The following LRIG2 variants were observed in gnomAD, a reference collection of about 807,000 sequenced individuals.
LRIG2 encodes the protein leucine rich repeats and immunoglobulin like domains 2.
In LRIG2, 93 loss-of-function variants were observed where a neutral mutation model predicts 107.8. The observed-to-expected ratio is 0.86, with a 90% CI of 0.73 to 1.03. LRIG2 has a LOEUF of 1.03. Among genes scored for constraint, LRIG2 ranks in the 50% least tolerant of loss-of-function variants. The probability of loss-of-function intolerance (pLI) is 0.00; values close to 1 mark genes in which losing one functional copy is unlikely to be tolerated. For synonymous variants in LRIG2, 471 were observed against 470.6 expected, an observed-to-expected ratio of 1.00 and a Z score of -0.01; for missense variants, 1,226 against 1,296.0, an observed-to-expected ratio of 0.95 and a Z score of 0.83.
chr1:113,107,504 A>G (rs1425634148), intron 11 of LRIG2, 90 bp from the exon 12 acceptor site: 1 of 1,191,468 alleles, frequency 8.4e-7, no homozygotes, highest in Non-Finnish European at 1.2e-6. Context: ...GGCAAGAATA[A>G]TGGATAGGTG....
intron 14 of LRIG2, among the ~76,000 whole-genome samples, chr1:113,113,862 GAA>G (rs2101059737): frequency 6.6e-6 from 1 of 152,206 alleles, no homozygotes; most frequent in Admixed American, 6.5e-5. Flanking sequence ...AAGATATACA[GAA>G]AATTAGGAAA....
chr1:113,126,371 C>A lies in LRIG2; in HGVS notation c.*2270C>A. On this transcript the variant is annotated 3_prime_UTR_variant, in exon 18 of 18. Coordinates refer to ENST00000361127, the MANE Select transcript of LRIG2 (RefSeq NM_014813.3). ...CTGGGCTCCTGCTTCTCAGTCTTCT[C>A]TGACCTCTGGTAAGTGGAACTTTCA... The A allele has an allele frequency of 5.8e-6, 1 of 173,196 alleles. No homozygotes were observed. The highest frequency in any genetic ancestry group is 1.5e-4 in the South Asian group (1 of 6,498). 10.7% of individuals were successfully genotyped at this position (173,196 alleles called of 1,614,324 possible).
chr1:113,087,208 A>T lies in LRIG2; in HGVS notation c.240-4110A>T, dbSNP rs113069596. ...CTCCATTTCAGGACTCCTGCTTTTT[A>T]AAAAAAAATTATGCAAACCACCTGG... is the stretch of plus-strand genomic sequence containing the variant. On this transcript the variant is annotated intron_variant, in intron 1 of 17. Transcript: ENST00000361127. Among the ~76,000 whole-genome samples, 68 of 152,012 alleles carry T rather than the reference A, an allele frequency of 4.5e-4. No homozygotes were observed. The East Asian group carries it at 6.6e-3, about 15-fold the overall frequency.
chr1:113,102,517 G>A (rs1195195068), intron 11 of LRIG2, among the ~76,000 whole-genome samples: 2 of 151,708 alleles, frequency 1.3e-5, no homozygotes. Context: ...TGATCCGCCC[G>A]CCTCGGCCTC....
At chr1:113,097,973 C>T (rs1436170216) in intron 8 of LRIG2, among the ~76,000 whole-genome samples, 1 of 152,194 alleles carries the variant, frequency 6.6e-6, no homozygotes, top group Non-Finnish European at 1.5e-5. Flanking sequence ...CACAACTCTA[C>T]ATGTCCCTTA....
In LRIG2 at chr1:113,114,639, A is replaced by G. The variant is rs774998880; in HGVS notation, c.2293A>G (p.Thr765Ala). 3.7e-6 allele frequency: 6 copies of G among 1,614,078 alleles called. No homozygotes were observed. The highest frequency in any genetic ancestry group is 5.1e-6 in the Non-Finnish European group (6 of 1,179,986). The change falls in exon 15 of 18, where the codon ACC (threonine) becomes GCC (alanine). Residue 765 changes from threonine (T) to alanine (A), a missense_variant. By Grantham distance (58) the Thr-to-Ala change is moderately conservative (BLOSUM62 0). Coordinates refer to ENST00000361127, the MANE Select transcript of LRIG2 (RefSeq NM_014813.3). ...DAGLEDAGKY[T>A]CIMSNTLGTE... ...CGGGCTAGAAGATGCTGGGAAATAT[A>G]CCTGCATTATGTCTAACACCCTTGG...
At position 113,127,167 on chromosome 1, in the gene LRIG2, A is replaced by G. The variant is rs1655512833; in HGVS notation, c.*3066A>G. The G allele has an allele frequency of 1.3e-5, 2 of 152,184 alleles. No homozygotes were observed. The highest frequency in any genetic ancestry group is 2.9e-5 in the Non-Finnish European group (2 of 68,028). 9.4% of individuals were successfully genotyped at this position (152,184 alleles called of 1,614,324 possible). ...TTAATCTTTTACCAATGTGCAGTAT[A>G]TCTTAAGAAGGGAAGAGTGCTCTTG... On this transcript the variant is annotated 3_prime_UTR_variant, in exon 18 of 18. Coordinates refer to ENST00000361127, the MANE Select transcript of LRIG2 (RefSeq NM_014813.3).
intron 2 of LRIG2, 102 bp from the exon 3 acceptor site, chr1:113,093,104 A>C: frequency 1.5e-6 from 1 of 679,624 alleles, no homozygotes; most frequent in Non-Finnish European, 2.5e-6. Context: ...TCTTTTTCAA[A>C]TTTGGCACCT....
intron 11 of LRIG2, chr1:113,100,696 C>A (rs761135776): frequency 2.9e-5 from 12 of 419,352 alleles, no homozygotes; most frequent in Non-Finnish European, 9.0e-6. Context: ...GCACCAAGAC[C>A]TTCTGTTTTG....
intron 1 of LRIG2, among the ~76,000 whole-genome samples, chr1:113,084,598 A>T (rs914508107): frequency 1.4e-5 from 2 of 144,016 alleles, no homozygotes; most frequent in Admixed American, 7.4e-5. Context: ...GTTTCATTAT[A>T]TTAAAAATGT....
chr1:113,096,666 A>G (rs1654081770), intron 8 of LRIG2, among the ~76,000 whole-genome samples: 1 of 152,136 alleles, frequency 6.6e-6, no homozygotes, highest in African/African-American at 2.4e-5. Context: ...GAGAGCAGTC[A>G]TTTTCTTGTT....
At chr1:113,075,144 C>T (rs1401141134) in intron 1 of LRIG2, among the ~76,000 whole-genome samples, 2 of 150,602 alleles carry the variant, frequency 1.3e-5, no homozygotes, top group Non-Finnish European at 3.0e-5. Flanking sequence ...CCCGGGAGGG[C>T]GAGGTTGGAG....
chr1:113,074,175 T>C (rs189757935), intron 1 of LRIG2, among the ~76,000 whole-genome samples: 35 of 152,272 alleles, frequency 2.3e-4, no homozygotes, highest in Non-Finnish European at 3.4e-4. Flanking sequence ...CTTAACAGGG[T>C]TGAAAAGTTC....
In LRIG2 at chr1:113,093,554, CT is replaced by C; in HGVS notation, c.507del (p.Lys170AsnfsTer3). The C allele has an allele frequency of 1.3e-6, 2 of 1,561,580 alleles. No individual in the cohort carries two copies. The highest frequency in any genetic ancestry group is 1.7e-6 in the Non-Finnish European group (2 of 1,152,478). ...IKTSSFPRMQ[L>X]KYLNLSNNRI... ...GACATCTTCATTTCCTCGCATGCAG[CT>C]TAAATACCTGTAAGTAACACAGATT... On this transcript the variant is annotated frameshift_variant, in exon 4 of 18. Transcript: ENST00000361127. LOFTEE classifies it high-confidence loss of function.
rs115649792 is a variant in LRIG2, at chr1:113,104,090, C to T, written c.1314-3504C>T. ...TTCTGTCCACCTCCTCCTTGTTGGA[C>T]CTTTATTGGCCTGTTTGGAATACTT... On this transcript the variant is annotated intron_variant, in intron 11 of 17. Coordinates refer to ENST00000361127, the MANE Select transcript of LRIG2 (RefSeq NM_014813.3). Among the ~76,000 whole-genome samples, 406 of 152,298 alleles carry T rather than the reference C, an allele frequency of 2.7e-3. 2 individuals carry two copies. Among genetic ancestry groups the T allele is most frequent in the African/African-American group, 9.2e-3 (384 of 41,556 alleles).
At chr1:113,100,309 A>G (rs1386086499) in intron 10 of LRIG2, 27 bp downstream of exon 10, 5 of 1,553,508 alleles carry the variant, frequency 3.2e-6, no homozygotes, top group Admixed American at 1.7e-5. Flanking sequence ...CATTTTGCTT[A>G]CTCTATAAAT....
chr1:113,086,000 G>GTTT (rs34131524), intron 1 of LRIG2, among the ~76,000 whole-genome samples: 58 of 65,020 alleles, frequency 8.9e-4, no homozygotes, highest in African/African-American at 1.7e-3. Flanking sequence ...TAACCCTGAG[G>GTTT]TTTTTTTTTT....
In LRIG2 at chr1:113,128,355, ACT is replaced by A. The variant is rs773444900; in HGVS notation, c.*4256_*4257del. The A allele has an allele frequency of 6.6e-6, 1 of 151,956 alleles. No individual in the cohort carries two copies. Among genetic ancestry groups the A allele is most frequent in the Non-Finnish European group, 1.5e-5 (1 of 68,006 alleles). 9.4% of individuals were successfully genotyped at this position (151,956 alleles called of 1,614,324 possible). On this transcript the variant is annotated 3_prime_UTR_variant, in exon 18 of 18. Transcript: ENST00000361127. The stretch of plus-strand genomic sequence containing the variant: ...TTATGGTGTAGTTTGTACTAGACTG[ACT>A]CATTAAGACCTTGTACGCTTCCTGA...
intron 1 of LRIG2, among the ~76,000 whole-genome samples, chr1:113,074,219 A>G (rs907966730): frequency 2.6e-4 from 40 of 152,218 alleles, no homozygotes; most frequent in African/African-American, 8.9e-4. Context: ...GTAATTCAGA[A>G]TATCTTTGTA....
Sources: gnomAD v4.1 joint callset for allele counts (sites outside exome capture counted in the v4.1 genomes callset) on GRCh38, gnomAD v4.1.1 for gene constraint, MANE v1.5 for transcripts, NCBI Gene and HGNC (gene_info 2026-07-23, HGNC 2026-07-21) for gene names.